Variants in KIF13B observed in about 807,000 individuals in gnomAD.
KIF13B encodes kinesin-like protein KIF13B.
In KIF13B, 127 loss-of-function variants were observed where a neutral mutation model predicts 222.0. The ratio of observed to expected loss-of-function variants is 0.57; its 90% CI spans 0.50 to 0.66. The LOEUF (loss-of-function observed/expected upper bound fraction) is 0.66. Ranked by LOEUF, KIF13B falls within the 30% of genes least tolerant of loss-of-function variation. The pLI, the probability that KIF13B is intolerant of heterozygous loss-of-function variation, is 0.00. For missense variants in KIF13B, 2,173 were observed against 2,379.0 expected, an observed-to-expected ratio of 0.91 and a Z score of 1.80; for synonymous variants, 976 against 919.0, an observed-to-expected ratio of 1.06 and a Z score of -1.12.
intron 28 of KIF13B, 99 bp downstream of exon 28, chr8:29,123,267 T>C (rs936042027): frequency 8.9e-6 from 12 of 1,345,782 alleles, no homozygotes; most frequent in Admixed American, 2.1e-5. Context: ...CCCCATGCTA[T>C]TGACTCTTCC....
intron 23 of KIF13B, among the ~76,000 whole-genome samples, chr8:29,131,758 T>C (rs1810354871): frequency 6.6e-6 from 1 of 152,210 alleles, no homozygotes; most frequent in South Asian, 2.1e-4. Context: ...CAAAATTCAT[T>C]TCACTGTTTC....
chr8:29,243,695 C>G lies in KIF13B; in HGVS notation c.149+1651G>C, dbSNP rs76051567. On this transcript the variant is annotated intron_variant, in intron 2 of 39. Transcript: ENST00000524189. ...AAGAAAAGAAAAAAAAGAAAAACTA[C>G]TTCTCCTGATGTAGTCTCTTGCCAT... 4.9e-4 allele frequency among the ~76,000 whole-genome samples: 75 copies of G among 152,080 alleles called. 3 individuals carry two copies. In the East Asian group the frequency reaches 0.014, roughly 29 times the overall value.
intron 21 of KIF13B, 103 bp downstream of exon 21, chr8:29,139,960 T>C: frequency 3.9e-6 from 4 of 1,028,300 alleles, no homozygotes; most frequent in Non-Finnish European, 5.6e-6. Context: ...AATCAGCTAT[T>C]AGGTTGGTGC....
At position 29,068,201 on chromosome 8, in the gene KIF13B, G is replaced by T. The variant is rs1807086310; in HGVS notation, c.*2303C>A. ...CCTGGGGCCTTCCAGGAGCGCATCG[G>T]GAGTCCTAAGGCGGGTGGGCGGGCA... On this transcript the variant is annotated 3_prime_UTR_variant, in exon 40 of 40. Transcript: ENST00000524189. This position sits in a 1 kb window ranked among gnomAD's most constrained non-coding sequence, Gnocchi z 4.4. 1 of 152,208 alleles carries T rather than the reference G, an allele frequency of 6.6e-6. No homozygotes were observed. Among genetic ancestry groups the T allele is most frequent in the African/African-American group, 2.4e-5 (1 of 41,422 alleles). 9.4% of individuals were successfully genotyped at this position (152,208 alleles called of 1,614,324 possible).
chr8:29,251,143 C>G (rs1816264234), intron 1 of KIF13B, among the ~76,000 whole-genome samples: 1 of 151,836 alleles, frequency 6.6e-6, no homozygotes, highest in South Asian at 2.1e-4. Flanking sequence ...GAGGGGAGAC[C>G]CTGTCTGGAA....
chr8:29,147,362 A>C (rs1410449274), intron 17 of KIF13B, 30 bp downstream of exon 17: 13 of 1,544,698 alleles, frequency 8.4e-6, no homozygotes, highest in Non-Finnish European at 1.1e-5. Context: ...CCTGAGCTAT[A>C]AAGTTAACAG....
chr8:29,161,933 A>G (rs1011231872), intron 12 of KIF13B, among the ~76,000 whole-genome samples: 2 of 152,102 alleles, frequency 1.3e-5, no homozygotes, highest in African/African-American at 2.4e-5. Context: ...CATGGTGAGC[A>G]CTCAAAACAT....
At chr8:29,101,199 T>A (rs1348350789) in intron 35 of KIF13B, among the ~76,000 whole-genome samples, 1 of 152,192 alleles carries the variant, frequency 6.6e-6, no homozygotes, top group East Asian at 1.9e-4. Context: ...CGGCCTTGTA[T>A]ACCCGGGGAT....
At chr8:29,128,863 C>T (rs1035202265) in intron 24 of KIF13B, among the ~76,000 whole-genome samples, 2 of 152,160 alleles carry the variant, frequency 1.3e-5, no homozygotes, top group Admixed American at 6.5e-5. Context: ...GCCACGTTCC[C>T]GTTCAAGAAC....
chr8:29,070,988 C>G lies in KIF13B; in HGVS notation c.5219-222G>C, dbSNP rs552366932. 6.6e-6 allele frequency among the ~76,000 whole-genome samples: 1 copy of G among 152,260 alleles called. No homozygotes were observed. Among genetic ancestry groups the G allele is most frequent in the South Asian group, 2.1e-4 (1 of 4,830 alleles). ...TCCCAGGACAGTGAGCAGTGGTGACCAAGGATGCACAGCCCCAGTCCTGCA... is the reference window on the plus strand; with the variant it reads ...TCCCAGGACAGTGAGCAGTGGTGACGAAGGATGCACAGCCCCAGTCCTGCA... On this transcript the variant is annotated intron_variant, in intron 39 of 39. Transcript: ENST00000524189. The surrounding 1 kb of genome is among the most constrained non-coding windows in gnomAD (Gnocchi z 4.1).
At chr8:29,253,828 CAAAAAAAA>C (rs1163069689) in intron 1 of KIF13B, among the ~76,000 whole-genome samples, 2 of 21,546 alleles carry the variant, frequency 9.3e-5, no homozygotes, top group African/African-American at 1.6e-4. Flanking sequence ...GAGACTGTCT[CAAAAAAAA>C]AAAAAAAAAA....
rs960607527 is a variant in KIF13B, at chr8:29,071,043, G to A, written c.5219-277C>T. Among the ~76,000 whole-genome samples, 1 of 152,206 alleles carries A rather than the reference G, an allele frequency of 6.6e-6. No homozygotes were observed. Among genetic ancestry groups the A allele is most frequent in the Non-Finnish European group, 1.5e-5 (1 of 68,020 alleles). On this transcript the variant is annotated intron_variant, in intron 39 of 39. Coordinates refer to ENST00000524189, the MANE Select transcript of KIF13B (RefSeq NM_015254.4). The surrounding 1 kb of genome is among the most constrained non-coding windows in gnomAD (Gnocchi z 4.9). ...CAGGTAGGAGGTGACAGGCCCTGGG[G>A]GCCCTGGGGAGTGCCTTGTGGAAGC... is the stretch of plus-strand genomic sequence containing the variant.
chr8:29,231,172 G>A (rs1338713896), intron 2 of KIF13B, among the ~76,000 whole-genome samples: 2 of 152,058 alleles, frequency 1.3e-5, no homozygotes, highest in African/African-American at 2.4e-5. Context: ...GAACCACCAC[G>A]CCCGGACGTG....
chr8:29,146,559 G>A lies in KIF13B; in HGVS notation c.2025-19C>T. Reference sequence around the variant, plus strand: ...TGCTTCTCTAAAAAAAAATAAAGAAGCGGCAGAGGTAGGGAAGAGATTAAC... The same window carrying A: ...TGCTTCTCTAAAAAAAAATAAAGAAACGGCAGAGGTAGGGAAGAGATTAAC... On this transcript the variant is annotated intron_variant, in intron 17 of 39. Transcript: ENST00000524189. The A allele has an allele frequency of 6.2e-7, 1 of 1,606,932 alleles. No homozygotes were observed. The highest frequency in any genetic ancestry group is 1.3e-5 in the African/African-American group (1 of 74,832).
rs185990693 is a variant in KIF13B at position 29,118,558 on chromosome 8, C to T, written c.3660+310G>A. ...CAAACCTGGTGCCATTTTACCTCCA[C>T]GCACTTCCGCAGCCCCTGCTTCCAT... On this transcript the variant is annotated intron_variant, in intron 30 of 39. Transcript: ENST00000524189. Among the ~76,000 whole-genome samples, 21 of 152,188 alleles carry T rather than the reference C, an allele frequency of 1.4e-4. No homozygotes were observed. In the East Asian group the frequency reaches 2.3e-3, roughly 17 times the overall value.
At chr8:29,105,650 G>GGTTT (rs1809023269) in intron 35 of KIF13B, among the ~76,000 whole-genome samples, 1 of 78,058 alleles carries the variant, frequency 1.3e-5, no homozygotes, top group African/African-American at 5.6e-5. Flanking sequence ...AGTTTGTTTG[G>GGTTT]TTTTTTTTTT....
chr8:29,256,475 C>T (rs1225471482), intron 1 of KIF13B, among the ~76,000 whole-genome samples: 1 of 152,156 alleles, frequency 6.6e-6, no homozygotes, highest in Non-Finnish European at 1.5e-5. Context: ...GATTGGCTGC[C>T]ATCAGTGCAC....
intron 2 of KIF13B, among the ~76,000 whole-genome samples, chr8:29,211,160 A>G (rs567532146): frequency 6.6e-6 from 1 of 152,362 alleles, no homozygotes; most frequent in South Asian, 2.1e-4. Context: ...TCTGCACGAA[A>G]GCACCATTTG....
rs151262001 is a variant in KIF13B, at chr8:29,205,470, C to T, written c.150-9271G>A. ...TTTCTTCAGACTTGAAGAAAAACAC[C>T]GACTCACAAATTCATAGGAAAATAA... On this transcript the variant is annotated intron_variant, in intron 2 of 39. Coordinates refer to ENST00000524189, the MANE Select transcript of KIF13B (RefSeq NM_015254.4). Among the ~76,000 whole-genome samples, 234 of 151,996 alleles carry T rather than the reference C, an allele frequency of 1.5e-3. 2 individuals are homozygous for T. Among genetic ancestry groups the T allele is most frequent in the Admixed American group, 2.6e-3 (40 of 15,262 alleles).
Sources: gnomAD v4.1 joint callset for allele counts (sites outside exome capture counted in the v4.1 genomes callset) on GRCh38, gnomAD v4.1.1 for gene constraint, Gnocchi (gnomAD v3.1) non-coding constraint, MANE v1.5 for transcripts, NCBI Gene and HGNC (gene_info 2026-07-23, HGNC 2026-07-21) for gene names.